Variants in GULP1 observed in about 807,000 individuals in gnomAD.
GULP1 encodes PTB domain-containing engulfment adapter protein 1.
Under a neutral mutation model 40.9 loss-of-function variants are expected in GULP1, and 19 were observed. The ratio of observed to expected loss-of-function variants is 0.46; its 90% CI spans 0.32 to 0.68. GULP1 has a LOEUF of 0.68. GULP1 is among the 30% of genes least tolerant of loss of function. GULP1 has a pLI of 0.03. For missense variants in GULP1, 312 were observed against 362.2 expected, an observed-to-expected ratio of 0.86 and a Z score of 1.12; for synonymous variants, 119 against 117.6, an observed-to-expected ratio of 1.01 and a Z score of -0.08.
rs907482275 is a variant in GULP1 at position 188,572,490 on chromosome 2, CTG to C, written c.609+2371_609+2372del. ...ACTTTCTTTAAATCACGGTCTTACA[CTG>C]AGTTCATATATATGTAGAAAATTTA... On this transcript the variant is annotated intron_variant, in intron 9 of 11. Transcript: ENST00000409830. Among the ~76,000 whole-genome samples the C allele has an allele frequency of 1.8e-4, 28 of 152,128 alleles. 1 individual carries two copies. The highest frequency in any genetic ancestry group is 1.3e-4 in the Admixed American group (2 of 15,274).
At chr2:188,557,200 A>G (rs776138033) in intron 7 of GULP1, among the ~76,000 whole-genome samples, 3 of 152,132 alleles carry the variant, frequency 2.0e-5, no homozygotes, top group Admixed American at 6.5e-5. Flanking sequence ...GCAAAATACA[A>G]TCATACCTTT....
At chr2:188,478,520 T>C (rs1422170237) in intron 3 of GULP1, among the ~76,000 whole-genome samples, 1 of 152,032 alleles carries the variant, frequency 6.6e-6, no homozygotes, top group Admixed American at 6.6e-5. Context: ...ATCAAATTCA[T>C]AGGTGATTGA....
intron 4 of GULP1, among the ~76,000 whole-genome samples, chr2:188,516,109 A>G (rs1046304022): frequency 2.0e-5 from 3 of 152,106 alleles, no homozygotes; most frequent in Admixed American, 6.6e-5. Flanking sequence ...TGTAGTGGCC[A>G]TCAACACCCT....
intron 1 of GULP1, among the ~76,000 whole-genome samples, chr2:188,334,173 A>T (rs2041972620): frequency 6.6e-6 from 1 of 152,242 alleles, no homozygotes; most frequent in African/African-American, 2.4e-5. Context: ...GTAGAATTAC[A>T]TGCTCTTTTG....
At chr2:188,529,984 A>G (rs1039204528) in intron 6 of GULP1, among the ~76,000 whole-genome samples, 4 of 152,198 alleles carry the variant, frequency 2.6e-5, no homozygotes, top group Non-Finnish European at 4.4e-5. Context: ...CAGCGTGAAC[A>G]TGGAGCTTTT....
Position 188,587,902 on chromosome 2 carries a change from G to T in GULP1, c.796G>T (p.Ala266Ser). 15 of 1,610,498 alleles carry T rather than the reference G, an allele frequency of 9.3e-6. No homozygotes were observed. The highest frequency in any genetic ancestry group is 1.3e-5 in the Non-Finnish European group (15 of 1,176,816). The change falls in exon 11 of 12, where the codon GCA (alanine) becomes TCA (serine). Residue 266 changes from alanine (A) to serine (S), a missense_variant. Physicochemically the swap from Ala to Ser is moderately conservative, Grantham distance 99. Coordinates refer to ENST00000409830, the MANE Select transcript of GULP1 (RefSeq NM_016315.4). Reference sequence around the variant, plus strand: ...ACCTTTTGACCCATTTAACTGTGGAGCAGCAGATTTCCCTCCAGATATTCA... The same window carrying T: ...ACCTTTTGACCCATTTAACTGTGGATCAGCAGATTTCCCTCCAGATATTCA... ...AEPFDPFNCG[A>S]ADFPPDIQSK...
At chr2:188,559,369 G>GAA (rs1489545489) in intron 7 of GULP1, among the ~76,000 whole-genome samples, 1 of 152,184 alleles carries the variant, frequency 6.6e-6, no homozygotes, top group African/African-American at 2.4e-5. Context: ...TGGGGTTTGA[G>GAA]AACCTCTACC....
chr2:188,479,492 G>A (rs1443350564), intron 3 of GULP1, among the ~76,000 whole-genome samples: 1 of 152,060 alleles, frequency 6.6e-6, no homozygotes, highest in Non-Finnish European at 1.5e-5. Context: ...TGCCAGGGCT[G>A]GTCTCAAACT....
intron 2 of GULP1, among the ~76,000 whole-genome samples, chr2:188,465,835 T>TG (rs979465188): frequency 6.6e-6 from 1 of 152,058 alleles, no homozygotes; most frequent in African/African-American, 2.4e-5. Context: ...TTGCCTCTAC[T>TG]GAGGGATGGC....
At chr2:188,473,250 G>T (rs1404134135) in intron 2 of GULP1, among the ~76,000 whole-genome samples, 1 of 152,088 alleles carries the variant, frequency 6.6e-6, no homozygotes, top group Non-Finnish European at 1.5e-5. Context: ...AACAGCACTG[G>T]TTCTTGCCCA....
chr2:188,341,775 T>C (rs1011062559), intron 1 of GULP1, among the ~76,000 whole-genome samples: 3 of 152,232 alleles, frequency 2.0e-5, no homozygotes, highest in African/African-American at 7.2e-5. Flanking sequence ...TGCTTTTTTT[T>C]CATTACATGG....
chr2:188,316,201 T>G (rs893345672), intron 1 of GULP1, among the ~76,000 whole-genome samples: 4 of 152,180 alleles, frequency 2.6e-5, no homozygotes, highest in African/African-American at 9.7e-5. Flanking sequence ...CAACTCATTT[T>G]CTGTTTTTGT....
intron 2 of GULP1, among the ~76,000 whole-genome samples, chr2:188,406,295 G>C (rs1178807964): frequency 1.3e-5 from 2 of 152,152 alleles, no homozygotes; most frequent in African/African-American, 4.8e-5. Flanking sequence ...GTAAGTATTT[G>C]TGTATCTAAA....
chr2:188,408,943 A>G (rs2053503574), intron 2 of GULP1, among the ~76,000 whole-genome samples: 1 of 152,220 alleles, frequency 6.6e-6, no homozygotes, highest in Non-Finnish European at 1.5e-5. Context: ...TCTTTAGACA[A>G]GTGAAAATGG....
In GULP1 at chr2:188,305,355, G is replaced by A. The variant is rs75221977; in HGVS notation, c.-172+13189G>A. Among the ~76,000 whole-genome samples, 658 of 152,258 alleles carry A rather than the reference G, an allele frequency of 4.3e-3. 15 individuals are homozygous for A. The highest frequency in any genetic ancestry group is 0.029 in the Admixed American group (451 of 15,304). On this transcript the variant is annotated intron_variant, in intron 1 of 11. Coordinates refer to ENST00000409830, the MANE Select transcript of GULP1 (RefSeq NM_016315.4). Reference sequence around the variant, plus strand: ...TTTTGAGGAAGGCTTCATTATATAGGCATGATTGACAACCAACAGTGTAGA... The same window carrying A: ...TTTTGAGGAAGGCTTCATTATATAGACATGATTGACAACCAACAGTGTAGA...
chr2:188,555,690 C>T (rs558540737), intron 7 of GULP1, among the ~76,000 whole-genome samples: 2 of 152,168 alleles, frequency 1.3e-5, no homozygotes, highest in South Asian at 4.2e-4. Flanking sequence ...ATGGTGACTG[C>T]CTTTTCGTTT....
At chr2:188,400,519 G>T (rs1031716856) in intron 2 of GULP1, among the ~76,000 whole-genome samples, 8 of 152,016 alleles carry the variant, frequency 5.3e-5, no homozygotes, top group African/African-American at 1.9e-4. Context: ...TGTAACAGAT[G>T]GTAAGGAAAC....
At chr2:188,296,587 T>TG (rs1295508926) in intron 1 of GULP1, among the ~76,000 whole-genome samples, 1 of 152,040 alleles carries the variant, frequency 6.6e-6, no homozygotes, top group East Asian at 1.9e-4. Context: ...AAAATAGTTT[T>TG]GAAAAGGCTG....
intron 1 of GULP1, among the ~76,000 whole-genome samples, chr2:188,333,244 T>TA (rs750888192): frequency 1.2e-3 from 163 of 136,830 alleles, no homozygotes; most frequent in Non-Finnish European, 1.4e-3. Flanking sequence ...AGACCTTGTC[T>TA]AAAAAAAAAA....
Sources: allele counts gnomAD v4.1 joint callset (sites outside exome capture counted in the v4.1 genomes callset), GRCh38; gene constraint gnomAD v4.1.1; transcripts MANE v1.5; gene names NCBI Gene and HGNC (gene_info 2026-07-23, HGNC 2026-07-21).